The following GNAL variants were observed in gnomAD, a reference collection of about 807,000 sequenced individuals.
GNAL encodes G protein subunit alpha L, also known as guanine nucleotide-binding protein G(olf) subunit alpha.
In GNAL, 18 loss-of-function variants were observed where a neutral mutation model predicts 55.1. That is an observed-to-expected ratio of 0.33 (90% CI 0.23 to 0.48). The LOEUF is 0.48. Ranked by LOEUF, GNAL falls within the 20% of genes least tolerant of loss-of-function variation. The pLI is 0.99. For missense variants in GNAL, 412 were observed against 614.1 expected (o/e 0.67, Z 3.48); for synonymous variants, 253 against 237.0 (o/e 1.07, Z -0.62).
At chr18:11,833,095 G>A (rs531036763) in intron 5 of GNAL, among the ~76,000 whole-genome samples, 60 of 150,598 alleles carry the variant, frequency 4.0e-4, no homozygotes, top group Middle Eastern at 3.4e-3. Context: ...GCAGTGGCGC[G>A]ATCTCCACTC....
In GNAL at chr18:11,885,312, A is replaced by G. The variant is rs576526368; in HGVS notation, c.*4177A>G. On this transcript the variant is annotated 3_prime_UTR_variant, in exon 12 of 12. Coordinates refer to ENST00000334049, the MANE Select transcript of GNAL (RefSeq NM_182978.4). ...AGCTGCAGCGTTCTCTGCCAGGTCA[A>G]ATGGGCATGTTTAGAAAATAAGAGA... is the stretch of plus-strand genomic sequence containing the variant. The G allele has an allele frequency of 2.4e-4, 70 of 286,528 alleles. No homozygotes were observed. The highest frequency in any genetic ancestry group is 1.5e-3 in the African/African-American group (68 of 44,758). 17.7% of individuals were successfully genotyped at this position (286,528 alleles called of 1,614,324 possible). A position where few individuals can be genotyped will look rare whatever the true frequency, so the allele number is the denominator to read the frequency against.
At chr18:11,763,851 C>T (rs895959134) in intron 4 of GNAL, among the ~76,000 whole-genome samples, 9 of 152,124 alleles carry the variant, frequency 5.9e-5, no homozygotes, top group African/African-American at 7.2e-5. Flanking sequence ...GTTGCTCAGC[C>T]GACCTTTTTT....
intron 1 of GNAL, chr18:11,747,011 G>T: frequency 2.0e-6 from 1 of 500,822 alleles, no homozygotes; most frequent in South Asian, 1.5e-5. Context: ...GATCTTCTCT[G>T]GACAGAGATC....
At chr18:11,845,840 C>T (rs766421585) in intron 5 of GNAL, among the ~76,000 whole-genome samples, 1 of 152,026 alleles carries the variant, frequency 6.6e-6, no homozygotes, top group Non-Finnish European at 1.5e-5. Flanking sequence ...GGGGCCCAGT[C>T]AGCCTTCTCA....
At position 11,758,535 on chromosome 18, in the gene GNAL, G is replaced by C. The variant is rs150090695; in HGVS notation, c.624+4590G>C. Among the ~76,000 whole-genome samples, 522 of 152,300 alleles carry C rather than the reference G, an allele frequency of 3.4e-3. 6 individuals carry two copies. The highest frequency in any genetic ancestry group is 0.012 in the African/African-American group (499 of 41,568). On this transcript the variant is annotated intron_variant, in intron 4 of 11. Coordinates refer to ENST00000334049, the MANE Select transcript of GNAL (RefSeq NM_182978.4). ...GCAAACCGGCAGGATATTTGCTGCA[G>C]AATAATGTGAAATCTTTGGAGACAA...
chr18:11,855,654 G>C (rs1429061642), intron 5 of GNAL, among the ~76,000 whole-genome samples: 1 of 152,096 alleles, frequency 6.6e-6, no homozygotes, highest in Non-Finnish European at 1.5e-5. Flanking sequence ...GACACTGTGT[G>C]CCCGCCCTGC....
In GNAL at chr18:11,721,282, A is replaced by T. The variant is rs114376233; in HGVS notation, c.376+31343A>T. On this transcript the variant is annotated intron_variant, in intron 1 of 11. Coordinates refer to ENST00000334049, the MANE Select transcript of GNAL (RefSeq NM_182978.4). ...ATTGTCCGCAGAGCACTTGCTAGCG[A>T]TTAGTAAGATAAATAACAATGGGAT... Among the ~76,000 whole-genome samples the T allele has an allele frequency of 7.9e-3, 1,202 of 152,376 alleles. 19 individuals are homozygous for T. Among genetic ancestry groups the T allele is most frequent in the African/African-American group, 0.027 (1,118 of 41,584 alleles).
intron 6 of GNAL, among the ~76,000 whole-genome samples, chr18:11,863,677 A>G (rs1302993790): frequency 6.6e-6 from 1 of 152,180 alleles, no homozygotes; most frequent in Admixed American, 6.5e-5. Flanking sequence ...ACATCTGCCA[A>G]ATGTACCAGG....
intron 4 of GNAL, among the ~76,000 whole-genome samples, chr18:11,754,446 G>A (rs557522466): frequency 2.0e-5 from 3 of 152,136 alleles, no homozygotes; most frequent in African/African-American, 7.2e-5. Context: ...ACTACAATGG[G>A]ATTGCAAGAA....
At chr18:11,748,058 T>C (rs568638723) in intron 1 of GNAL, among the ~76,000 whole-genome samples, 2 of 152,312 alleles carry the variant, frequency 1.3e-5, no homozygotes, top group African/African-American at 2.4e-5. Flanking sequence ...CTGATGCTGA[T>C]CCAATGGTTC....
intron 4 of GNAL, among the ~76,000 whole-genome samples, chr18:11,802,489 G>A (rs183933753): frequency 6.6e-6 from 1 of 152,252 alleles, no homozygotes; most frequent in Non-Finnish European, 1.5e-5. Context: ...GACCAGTCTT[G>A]TTGCAGGCAG....
intron 1 of GNAL, among the ~76,000 whole-genome samples, chr18:11,749,175 A>G (rs970393765): frequency 6.6e-6 from 1 of 151,006 alleles, no homozygotes; most frequent in African/African-American, 2.4e-5. Flanking sequence ...CTGCCCCACT[A>G]GTCATAGCGC....
chr18:11,757,468 T>C (rs565081913), intron 4 of GNAL, among the ~76,000 whole-genome samples: 7 of 152,058 alleles, frequency 4.6e-5, no homozygotes, highest in African/African-American at 1.7e-4. Context: ...AGTCTAATAA[T>C]ACAGTGGAAA....
intron 4 of GNAL, among the ~76,000 whole-genome samples, chr18:11,779,641 A>G (rs1057467601): frequency 3.3e-5 from 5 of 152,166 alleles, no homozygotes; most frequent in Admixed American, 1.3e-4. Flanking sequence ...ATGCGGGTCA[A>G]TGGGAATGGA....
intron 5 of GNAL, among the ~76,000 whole-genome samples, chr18:11,845,651 A>G (rs1408197536): frequency 6.6e-6 from 1 of 151,994 alleles, no homozygotes; most frequent in African/African-American, 2.4e-5. Context: ...AGTCAGAGAG[A>G]AATGGGCCCA....
chr18:11,813,359 C>G (rs2034871645), intron 4 of GNAL, among the ~76,000 whole-genome samples: 1 of 152,048 alleles, frequency 6.6e-6, no homozygotes, highest in Admixed American at 6.6e-5. Context: ...TCTCAAGTGA[C>G]CCATAGATTC....
intron 4 of GNAL, among the ~76,000 whole-genome samples, chr18:11,756,552 C>A (rs1220534730): frequency 3.3e-5 from 5 of 151,430 alleles, no homozygotes. Context: ...ATATTTTTAA[C>A]ATAGCCCCGA....
At chr18:11,845,106 C>T (rs1466918328) in intron 5 of GNAL, among the ~76,000 whole-genome samples, 1 of 152,046 alleles carries the variant, frequency 6.6e-6, no homozygotes, top group Non-Finnish European at 1.5e-5. Context: ...CCTTGTGATC[C>T]GCCCACCTCA....
chr18:11,703,143 AC>A (rs2143327641), intron 1 of GNAL, among the ~76,000 whole-genome samples: 1 of 152,276 alleles, frequency 6.6e-6, no homozygotes, highest in African/African-American at 2.4e-5. Flanking sequence ...AAACAAAAAA[AC>A]CATATTTGTA....
Sources: gnomAD v4.1 joint callset for allele counts (sites outside exome capture counted in the v4.1 genomes callset) on GRCh38, gnomAD v4.1.1 for gene constraint, MANE v1.5 for transcripts, NCBI Gene and HGNC (gene_info 2026-07-23, HGNC 2026-07-21) for gene names.